USP4: variants seen among roughly 807,000 people sequenced by gnomAD.
USP4 encodes ubiquitin carboxyl-terminal hydrolase 4.
In USP4, 72 loss-of-function variants were observed where a neutral mutation model predicts 118.2. The ratio of observed to expected loss-of-function variants is 0.61; its 90% CI spans 0.50 to 0.74. The LOEUF (loss-of-function observed/expected upper bound fraction) is 0.74. USP4 is among the 30% of genes least tolerant of loss of function. The pLI is 0.00. For missense variants in USP4, 1,037 were observed against 1,185.7 expected (o/e 0.87, Z 1.84); for synonymous variants, 415 against 440.4 (o/e 0.94, Z 0.72).
chr3:49,287,097 C>T (rs564975870), intron 15 of USP4, among the ~76,000 whole-genome samples: 38 of 152,228 alleles, frequency 2.5e-4, no homozygotes, highest in Admixed American at 1.5e-3. Context: ...GATGATCCAC[C>T]GGCCTTGGCC....
intron 15 of USP4, among the ~76,000 whole-genome samples, chr3:49,292,261 G>C (rs1481303200): frequency 6.6e-6 from 1 of 150,878 alleles, no homozygotes; most frequent in African/African-American, 2.4e-5. Flanking sequence ...ATTCCAGCCT[G>C]GGTGACAGGA....
chr3:49,297,863 T>C lies in USP4; in HGVS notation c.1691+7A>G. 6.2e-7 allele frequency: 1 copy of C among 1,611,370 alleles called. No individual in the cohort carries two copies. The highest frequency in any genetic ancestry group is 1.3e-5 in the African/African-American group (1 of 74,956). On this transcript the variant is annotated splice_region_variant and intron_variant, in intron 13 of 21. Coordinates refer to ENST00000265560, the MANE Select transcript of USP4 (RefSeq NM_003363.4). ...CTGACCTGCAGCAGAAACTGCTGAG[T>C]ACTCACACGAAAATGTCATCCCGAG...
intron 13 of USP4, among the ~76,000 whole-genome samples, chr3:49,296,303 G>A (rs1156259854): frequency 6.6e-6 from 1 of 150,426 alleles, no homozygotes; most frequent in Admixed American, 6.7e-5. Flanking sequence ...ACTCCAGCCT[G>A]GGTGACACAG....
chr3:49,291,279 TAAAA>T (rs780101038), intron 15 of USP4, among the ~76,000 whole-genome samples: 1 of 110,128 alleles, frequency 9.1e-6, no homozygotes, highest in Non-Finnish European at 1.9e-5. Context: ...ACCCTACTCT[TAAAA>T]AAAAAAAAAA....
intron 2 of USP4, among the ~76,000 whole-genome samples, chr3:49,328,870 A>C (rs550825379): frequency 6.6e-6 from 1 of 152,002 alleles, no homozygotes; most frequent in Non-Finnish European, 1.5e-5. Flanking sequence ...AAAGAAATAA[A>C]AATAAATAAA....
intron 1 of USP4, among the ~76,000 whole-genome samples, chr3:49,337,840 G>A (rs1334949831): frequency 6.6e-6 from 1 of 151,330 alleles, no homozygotes; most frequent in Non-Finnish European, 1.5e-5. Context: ...GAGGTCAGGA[G>A]ATCGAGACCA....
chr3:49,280,592 A>AT (rs1047376239), intron 20 of USP4, 152 bp downstream of exon 20: 11 of 569,956 alleles, frequency 1.9e-5, no homozygotes, highest in Non-Finnish European at 2.7e-5. Flanking sequence ...TTAAAAAAAA[A>AT]CAGAGAGGGG....
chr3:49,285,228 CA>C (rs977199115), intron 16 of USP4, among the ~76,000 whole-genome samples: 1 of 151,042 alleles, frequency 6.6e-6, no homozygotes, highest in African/African-American at 2.4e-5. Flanking sequence ...CCATAAACCA[CA>C]AAAAAACTGA....
Position 49,339,991 on chromosome 3 carries a change from C to A in USP4, c.34G>T (p.Asp12Tyr), listed in dbSNP as rs201618824. The A allele has an allele frequency of 1.4e-4, 227 of 1,611,540 alleles. No individual in the cohort carries two copies. The highest frequency in any genetic ancestry group is 1.6e-5 in the Non-Finnish European group (19 of 1,179,868). The change falls in exon 1 of 22, where the codon GAT becomes TAT. Residue 12 changes from aspartate (D) to tyrosine (Y), a missense_variant. Physicochemically the swap from Asp to Tyr is radical, Grantham distance 160 (BLOSUM62 -3). Around this residue, in one of 3 missense-constraint regions of USP4, gnomAD observed 487 missense variants for 534.1 expected, o/e 0.91. Coordinates refer to ENST00000265560, the MANE Select transcript of USP4 (RefSeq NM_003363.4). ...AGCTCGGACTTCTGAGTCTCCGCAT[C>A]CGGTCGCTCACGGCAGCCTCCACCT... ...AEGGGCRERP[D>Y]AETQKSELGP...
intron 3 of USP4, 39 bp downstream of exon 3, chr3:49,327,646 CA>C (rs1300411526): frequency 1.2e-5 from 20 of 1,611,780 alleles, no homozygotes; most frequent in Non-Finnish European, 1.7e-5. Context: ...AAAGCACCTG[CA>C]GACAGTGACC....
intron 9 of USP4, among the ~76,000 whole-genome samples, chr3:49,303,981 G>C (rs201115477): frequency 6.6e-6 from 1 of 151,974 alleles, no homozygotes; most frequent in Non-Finnish European, 1.5e-5. Flanking sequence ...TTGAACTCCT[G>C]ACCTCAAGTG....
intron 17 of USP4, 59 bp from the exon 18 acceptor site, chr3:49,284,643 T>C (rs2107766516): frequency 6.7e-7 from 1 of 1,497,134 alleles, no homozygotes; most frequent in Non-Finnish European, 9.3e-7. Flanking sequence ...CATTAAGACA[T>C]GAAGGCCTAC....
rs1419540599 is a variant in USP4 at position 49,302,517 on chromosome 3, T to C, written c.1154A>G (p.Gln385Arg). 6.2e-7 allele frequency: 1 copy of C among 1,613,956 alleles called. No individual in the cohort carries two copies. The highest frequency in any genetic ancestry group is 8.5e-7 in the Non-Finnish European group (1 of 1,179,970). ...ATCTTGTTGCTGGTAGCCAGAAAAT[T>C]GAGGAGCAAAACGTCCTACTTGAGT... ...FKTQVGRFAPQFSGYQQQDSQ... is the reference protein window; with the variant it reads ...FKTQVGRFAPRFSGYQQQDSQ... Residue 385 changes from glutamine (Q) to arginine (R), a missense_variant, in exon 10 of 22, where the codon CAA becomes CGA. Gln to Arg is a conservative substitution (Grantham distance 43). Around this residue, in one of 3 missense-constraint regions of USP4, gnomAD observed 487 missense variants for 534.1 expected, o/e 0.91. Transcript: ENST00000265560.
At chr3:49,331,569 C>T (rs1389541587) in intron 2 of USP4, among the ~76,000 whole-genome samples, 2 of 152,018 alleles carry the variant, frequency 1.3e-5, no homozygotes, top group Non-Finnish European at 2.9e-5. Flanking sequence ...TGCAGTAAGC[C>T]GAGATTGCAC....
At chr3:49,287,284 A>T (rs1014570942) in intron 15 of USP4, among the ~76,000 whole-genome samples, 22 of 152,070 alleles carry the variant, frequency 1.4e-4, no homozygotes, top group African/African-American at 5.3e-4. Flanking sequence ...CCTCCCAAGT[A>T]GCTGGGACTA....
chr3:49,293,593 C>A (rs1461687763), intron 14 of USP4: 1 of 152,092 alleles, frequency 6.6e-6, no homozygotes, highest in Non-Finnish European at 1.5e-5. Context: ...ATCACTTGAA[C>A]CTGGGAGGTA....
At chr3:49,295,714 G>GCGCGCGCACACACACACACACACACACA (rs149459963) in intron 13 of USP4, among the ~76,000 whole-genome samples, 18 of 148,410 alleles carry the variant, frequency 1.2e-4, no homozygotes, top group African/African-American at 4.2e-4. Flanking sequence ...GCGCGCGCGC[G>GCGCGCGCACACACACACACACACACACA]CACACACACA....
intron 13 of USP4, 39 bp downstream of exon 13, chr3:49,297,831 C>A (rs760315004): frequency 6.6e-7 from 1 of 1,512,986 alleles, no homozygotes; most frequent in South Asian, 1.1e-5. Flanking sequence ...AGAATGTGTC[C>A]TCTGACCTGA....
At chr3:49,308,886 G>C (rs1237355466) in intron 8 of USP4, among the ~76,000 whole-genome samples, 1 of 151,642 alleles carries the variant, frequency 6.6e-6, no homozygotes, top group African/African-American at 2.4e-5. Flanking sequence ...ACAAAAATTA[G>C]CCAGGCGTGG....
Sources: allele counts gnomAD v4.1 joint callset (sites outside exome capture counted in the v4.1 genomes callset), GRCh38; gene constraint gnomAD v4.1.1; regional missense constraint gnomAD v4.1.1; transcripts MANE v1.5; gene names NCBI Gene and HGNC (gene_info 2026-07-23, HGNC 2026-07-21).